Variants in PER1 observed in about 807,000 individuals in gnomAD.
PER1 encodes the protein period circadian regulator 1.
Under a neutral mutation model 125.9 loss-of-function variants are expected in PER1, and 87 were observed. That is an observed-to-expected ratio of 0.69 (90% CI 0.58 to 0.83). The LOEUF is 0.83. Ranked by LOEUF, PER1 falls within the 40% of genes least tolerant of loss-of-function variation. The probability of loss-of-function intolerance (pLI) is 0.00; values close to 1 mark genes in which losing one functional copy is unlikely to be tolerated. For missense variants in PER1, 1,775 were observed against 1,722.8 expected, an observed-to-expected ratio of 1.03 and a Z score of -0.54; for synonymous variants, 801 against 714.7, an observed-to-expected ratio of 1.12 and a Z score of -1.93.
Position 8,148,707 on chromosome 17 carries a change from C to T in PER1, c.985G>A (p.Asp329Asn), listed in dbSNP as rs759065670. Residue 329 changes from aspartate (D) to asparagine (N), a missense_variant, in exon 8 of 23, where the codon GAT (aspartate) becomes AAT (asparagine). By Grantham distance (23) the Asp-to-Asn change is conservative. Transcript: ENST00000317276. ...CAGCACGGCTGTGCAGGGGCCCCATCTGAGACCCGGATCTTGGTCACATAC... is the reference window on the plus strand; with the variant it reads ...CAGCACGGCTGTGCAGGGGCCCCATTTGAGACCCGGATCTTGGTCACATAC... Reference protein sequence around the residue: ...TPYVTKIRVSDGAPAQPCCLL... With the variant: ...TPYVTKIRVSNGAPAQPCCLL... 1.2e-6 allele frequency: 2 copies of T among 1,613,880 alleles called. No homozygotes were observed. Among genetic ancestry groups the T allele is most frequent in the Non-Finnish European group, 1.7e-6 (2 of 1,179,902 alleles).
chr17:8,146,702 C>T lies in PER1; in HGVS notation c.1799G>A (p.Gly600Asp). The change falls in exon 15 of 23, where the codon GGT (glycine) becomes GAT (aspartate). Residue 600 changes from glycine to aspartate, a missense_variant. By Grantham distance (94) the Gly-to-Asp change is moderately conservative (BLOSUM62 -1). Transcript: ENST00000317276. ...CQSPDPELEA[G>D]SAPVQAPLAL... ...TAGTGGGGCCTGGACGGGAGCAGAA[C>T]CCGCCTCCAGCTCTGGGTCTGGGGA... The T allele has an allele frequency of 6.2e-7, 1 of 1,613,836 alleles. No homozygotes were observed. The highest frequency in any genetic ancestry group is 1.7e-5 in the Admixed American group (1 of 60,010).
rs764567605 is a variant in PER1, at chr17:8,150,615, G to T, written c.92C>A (p.Pro31Gln). 14 of 1,613,202 alleles carry T rather than the reference G, an allele frequency of 8.7e-6. No individual in the cohort carries two copies. The South Asian group carries it at 1.2e-4, about 14-fold the overall frequency. The stretch of plus-strand genomic sequence containing the variant: ...GGGGCCTGGGCAAGGCCGGTGCTGT[G>T]GGGGCCCAGGGGATGGGACGCCCCC... ...CPGGVPSPGP[P>Q]QHRPCPGPSL... Residue 31 changes from proline (P) to glutamine (Q), a missense_variant, in exon 2 of 23, where the codon CCA (proline) becomes CAA (glutamine). Pro to Gln is a moderately conservative substitution (Grantham distance 76). Coordinates refer to ENST00000317276, the MANE Select transcript of PER1 (RefSeq NM_002616.3).
chr17:8,149,842 C>T lies in PER1; in HGVS notation c.564G>A (p.Glu188=), dbSNP rs1034822217. The change falls in exon 5 of 23, where the codon GAG becomes GAA. Residue 188 remains glutamate, a synonymous_variant. Coordinates refer to ENST00000317276, the MANE Select transcript of PER1 (RefSeq NM_002616.3). ...NQEYYQQWSL[E]EGEPCSMDMS... is the part of the protein sequence containing the mutation. ...TGTCCATGGAGCAAGGCTCGCCCTC[C>T]TCCAGGCTCCACTGCTGGTAGTATT... 11 of 1,614,124 alleles carry T rather than the reference C, an allele frequency of 6.8e-6. No homozygotes were observed. The highest frequency in any genetic ancestry group is 9.3e-6 in the Non-Finnish European group (11 of 1,180,048).
intron 6 of PER1, 66 bp downstream of exon 6, chr17:8,149,396 C>T: frequency 1.2e-6 from 2 of 1,606,854 alleles, no homozygotes; most frequent in Non-Finnish European, 1.7e-6. Flanking sequence ...TCTGGGTTCC[C>T]CGGCCCCTCA....
rs1568022110 is a variant in PER1 at position 8,141,052 on chromosome 17, G to C, written c.*16C>G. 1.2e-6 allele frequency: 2 copies of C among 1,600,416 alleles called. No individual in the cohort carries two copies. The highest frequency in any genetic ancestry group is 1.7e-6 in the Non-Finnish European group (2 of 1,171,088). On this transcript the variant is annotated 3_prime_UTR_variant, in exon 23 of 23. Coordinates refer to ENST00000317276, the MANE Select transcript of PER1 (RefSeq NM_002616.3). ...AAGCCTCTCATGGACTCCTGGAGAT[G>C]GTCCCAGAATGGAGTCTAGCTGGTG...
At chr17:8,149,046 G>A (rs908424071) in intron 7 of PER1, 34 of 610,238 alleles carry the variant, frequency 5.6e-5, no homozygotes, top group Non-Finnish European at 8.3e-5. Context: ...AAAATTAGCT[G>A]GGCGTGGTGG....
At position 8,141,118 on chromosome 17, in the gene PER1, T is replaced by C. The variant is rs1423959397; in HGVS notation, c.3823A>G (p.Arg1275Gly). 16 of 1,614,198 alleles carry C rather than the reference T, an allele frequency of 9.9e-6. No individual in the cohort carries two copies. The East Asian group carries it at 1.3e-4, about 13-fold the overall frequency. Residue 1275 changes from arginine to glycine, a missense_variant, in exon 23 of 23, where the codon AGG becomes GGG. By Grantham distance (125) the Arg-to-Gly change is moderately radical. Transcript: ENST00000317276. The part of the protein sequence containing the change: ...DLAMEEEEEG[R>G]SSSSPALPTA... ...GGTAAGGCTGGACTGGATGAGCTCC[T>C]GCCTTCTTCCTCCTCCTCCATAGCC...
Position 8,150,110 on chromosome 17 carries a change from G to A in PER1, c.390C>T (p.Ala130=), listed in dbSNP as rs1242962098. 9 of 1,614,080 alleles carry A rather than the reference G, an allele frequency of 5.6e-6. No homozygotes were observed. Among genetic ancestry groups the A allele is most frequent in the Admixed American group, 5.0e-5 (3 of 60,026 alleles). ...STSGCSSEQS[A]RARTQKELMT... ...TGAGTTCCTTCTGAGTCCTTGCCCG[G>A]GCTGACTGTTCACTGCTGCGGGGCC... Residue 130 remains alanine, a synonymous_variant, in exon 4 of 23, where the codon GCC becomes GCT. Coordinates refer to ENST00000317276, the MANE Select transcript of PER1 (RefSeq NM_002616.3).
chr17:8,148,868 G>A, intron 7 of PER1, 82 bp from the exon 8 acceptor site: 2 of 1,518,390 alleles, frequency 1.3e-6, no homozygotes, highest in East Asian at 2.3e-5. Flanking sequence ...GCAGACAACA[G>A]CAAAGACGCT....
rs755604275 is a variant in PER1 at position 8,144,839 on chromosome 17, C to T, written c.2373G>A (p.Glu791=). ...AVLSLHTQKE[E]QAFLSRFRDL... Reference sequence around the variant, plus strand: ...CTCGGAAGCGGCTGAGGAAGGCTTGCTCTTCCTTCTGTGTGTGCAGGGACA... The same window carrying T: ...CTCGGAAGCGGCTGAGGAAGGCTTGTTCTTCCTTCTGTGTGTGCAGGGACA... The change falls in exon 18 of 23, where the codon GAG becomes GAA. Residue 791 remains glutamate, a synonymous_variant. Coordinates refer to ENST00000317276, the MANE Select transcript of PER1 (RefSeq NM_002616.3). 49 of 1,586,248 alleles carry T rather than the reference C, an allele frequency of 3.1e-5. No individual in the cohort carries two copies. The highest frequency in any genetic ancestry group is 4.1e-5 in the Non-Finnish European group (48 of 1,164,976).
chr17:8,144,653 G>C (rs980308107), intron 18 of PER1, 98 bp downstream of exon 18: 1 of 1,474,966 alleles, frequency 6.8e-7, no homozygotes, highest in African/African-American at 1.4e-5. Flanking sequence ...CACCAGCCTG[G>C]GTCCCTGGAG....
chr17:8,148,857 A>G, intron 7 of PER1, 71 bp from the exon 8 acceptor site: 1 of 1,556,176 alleles, frequency 6.4e-7, no homozygotes, highest in Non-Finnish European at 8.8e-7. Context: ...ATAAGGTCAC[A>G]GCAGACAACA....
chr17:8,146,974 A>C lies in PER1; in HGVS notation c.1658T>G (p.Val553Gly). The change falls in exon 14 of 23, where the codon GTG becomes GGG. Residue 553 changes from valine (V) to glycine (G), a missense_variant. Transcript: ENST00000317276. ...CTGGCCCTGGTGCTTCACCAGATGC[A>C]CATCCTTACAGATCTGCTGGAAAGT... ...PVTFQQICKDVHLVKHQGQQL... is the reference protein window; with the variant it reads ...PVTFQQICKDGHLVKHQGQQL... The C allele has an allele frequency of 6.2e-7, 1 of 1,614,064 alleles. No homozygotes were observed. The highest frequency in any genetic ancestry group is 8.5e-7 in the Non-Finnish European group (1 of 1,179,976).
In PER1 at chr17:8,147,712, G is replaced by C. The variant is rs1285883585; in HGVS notation, c.1350C>G (p.Arg450=). The change falls in exon 11 of 23, where the codon CGC becomes CGG. Residue 450 remains arginine (R), a synonymous_variant. Transcript: ENST00000317276. ...SWAGFVHPWS[R]KVAFVLGRHK... ...GGCGGCCCAACACGAAGGCTACCTT[G>C]CGGCTCCAGGGGTGCACAAAGCCAG... The C allele has an allele frequency of 1.9e-5, 31 of 1,614,098 alleles. No homozygotes were observed. Among genetic ancestry groups the C allele is most frequent in the Non-Finnish European group, 2.6e-5 (31 of 1,180,022 alleles).
At chr17:8,151,089 G>A (rs1035422781) in intron 1 of PER1, among the ~76,000 whole-genome samples, 5 of 152,208 alleles carry the variant, frequency 3.3e-5, no homozygotes, top group African/African-American at 9.6e-5. Flanking sequence ...AGCAGTCAAT[G>A]AGAACCACGG....
chr17:8,141,827 A>C lies in PER1; in HGVS notation c.3578T>G (p.Leu1193Arg), dbSNP rs1183675208. 4.3e-6 allele frequency: 7 copies of C among 1,613,524 alleles called. No homozygotes were observed. The highest frequency in any genetic ancestry group is 1.7e-5 in the Admixed American group (1 of 59,966). Residue 1193 changes from leucine (L) to arginine (R), a missense_variant, in exon 22 of 23, where the codon CTG (leucine) becomes CGG (arginine). Transcript: ENST00000317276. ...AVHSWVRKGQLPRALDVMACV... is the reference protein window; with the variant it reads ...AVHSWVRKGQRPRALDVMACV... ...CACCATCACATCAAGAGCCCGAGGC[A>C]GTTGGCCCTTCCGGACCCAGGAGTG...
rs1426664746 is a variant in PER1 at position 8,143,643 on chromosome 17, G to A, written c.2695C>T (p.Pro899Ser). Reference sequence around the variant, plus strand: ...GGGGGCACAGATGTGGGAGCAGGGGGAAGAGGCTGGGGGCCTCCTCGAGGA... The same window carrying A: ...GGGGGCACAGATGTGGGAGCAGGGGAAAGAGGCTGGGGGCCTCCTCGAGGA... The part of the protein sequence containing the change: ...FSPRGGPQPL[P>S]PAPTSVPPAA... The change falls in exon 19 of 23, where the codon CCC (proline) becomes TCC (serine). Residue 899 changes from proline (P) to serine (S), a missense_variant. Transcript: ENST00000317276. The A allele has an allele frequency of 1.4e-6, 2 of 1,444,122 alleles. No homozygotes were observed. The highest frequency in any genetic ancestry group is 2.7e-5 in the Admixed American group (1 of 36,864). The allele number at this position is 1,444,122 out of a possible 1,614,324, so 89.5% of individuals were successfully genotyped here.
intron 10 of PER1, 56 bp downstream of exon 10, chr17:8,147,941 C>T: frequency 1.3e-6 from 2 of 1,582,818 alleles, no homozygotes; most frequent in Admixed American, 1.8e-5. Flanking sequence ...ACCACAAGGG[C>T]AGCCACTCAA....
chr17:8,151,777 C>G (rs1323608563), intron 1 of PER1, among the ~76,000 whole-genome samples: 1 of 152,142 alleles, frequency 6.6e-6, no homozygotes, highest in Non-Finnish European at 1.5e-5. Flanking sequence ...AACCCCAAGC[C>G]TTGGGCAGAA....
Sources: allele counts gnomAD v4.1 joint callset (sites outside exome capture counted in the v4.1 genomes callset), GRCh38; gene constraint gnomAD v4.1.1; transcripts MANE v1.5; gene names NCBI Gene and HGNC (gene_info 2026-07-23, HGNC 2026-07-21).